PDZRN4: variants seen among roughly 807,000 people sequenced by gnomAD.
PDZRN4 encodes PDZ domain containing ring finger 4.
In PDZRN4, 70 loss-of-function variants were observed where a neutral mutation model predicts 99.0. That is an observed-to-expected ratio of 0.71 (90% confidence interval 0.58 to 0.86). The LOEUF is 0.86. Among genes scored for constraint, PDZRN4 ranks in the 40% least tolerant of loss-of-function variants. The pLI, the probability that PDZRN4 is intolerant of heterozygous loss-of-function variation, is 0.00. For missense variants in PDZRN4, 1,474 were observed against 1,331.2 expected (o/e 1.11, Z -1.67); for synonymous variants, 551 against 501.6 (o/e 1.10, Z -1.32).
chr12:41,535,371 A>G (rs1416650316), intron 5 of PDZRN4, among the ~76,000 whole-genome samples: 1 of 152,214 alleles, frequency 6.6e-6, no homozygotes, highest in Admixed American at 6.5e-5. Context: ...TTACCCTCTT[A>G]GGAGTTTTTT....
At chr12:41,354,540 T>G (rs1280125339) in intron 3 of PDZRN4, among the ~76,000 whole-genome samples, 2 of 151,648 alleles carry the variant, frequency 1.3e-5, no homozygotes, top group African/African-American at 2.4e-5. Flanking sequence ...TATGGGCTGA[T>G]AGAAAGAAAT....
At chr12:41,288,859 T>C (rs1486505300) in intron 3 of PDZRN4, among the ~76,000 whole-genome samples, 2 of 152,166 alleles carry the variant, frequency 1.3e-5, no homozygotes, top group Non-Finnish European at 2.9e-5. Flanking sequence ...GCCTTCTGTA[T>C]GTATTAATTT....
chr12:41,418,924 T>G (rs1952468788), intron 3 of PDZRN4, among the ~76,000 whole-genome samples: 4 of 152,178 alleles, frequency 2.6e-5, no homozygotes, highest in African/African-American at 7.2e-5. Context: ...GTGACAAATC[T>G]CCCCTTGCAA....
intron 3 of PDZRN4, among the ~76,000 whole-genome samples, chr12:41,480,362 C>T (rs1272311550): frequency 6.6e-6 from 1 of 152,112 alleles, no homozygotes. Flanking sequence ...TGTATTCCCA[C>T]CTCTTTGTTC....
intron 3 of PDZRN4, among the ~76,000 whole-genome samples, chr12:41,202,930 AT>A (rs1950826883): frequency 6.6e-6 from 1 of 152,064 alleles, no homozygotes; most frequent in Admixed American, 6.6e-5. Context: ...AAATTAGGTG[AT>A]TTGATGTTTT....
At chr12:41,366,019 G>A (rs984000102) in intron 3 of PDZRN4, among the ~76,000 whole-genome samples, 3 of 152,088 alleles carry the variant, frequency 2.0e-5, no homozygotes, top group African/African-American at 7.2e-5. Context: ...ATGGAAGGAG[G>A]CCAAGATAAA....
chr12:41,257,358 A>G (rs957121909), intron 3 of PDZRN4, among the ~76,000 whole-genome samples: 1 of 152,194 alleles, frequency 6.6e-6, no homozygotes, highest in African/African-American at 2.4e-5. Flanking sequence ...CTCTTTCATA[A>G]GGGCACTAAT....
At chr12:41,433,519 G>A (rs1052997914) in intron 3 of PDZRN4, among the ~76,000 whole-genome samples, 20 of 152,178 alleles carry the variant, frequency 1.3e-4, no homozygotes, top group African/African-American at 4.3e-4. Flanking sequence ...ATGCAGAACT[G>A]GGACTAGAAA....
At chr12:41,207,909 A>T (rs986985009) in intron 3 of PDZRN4, among the ~76,000 whole-genome samples, 4 of 151,602 alleles carry the variant, frequency 2.6e-5, no homozygotes, top group Non-Finnish European at 5.9e-5. Flanking sequence ...TAAGCCAGGC[A>T]GTGAATTCAA....
At chr12:41,498,489 C>G (rs1366359179) in intron 3 of PDZRN4, among the ~76,000 whole-genome samples, 1 of 152,078 alleles carries the variant, frequency 6.6e-6, no homozygotes, top group Non-Finnish European at 1.5e-5. Flanking sequence ...GTGGAAGGCA[C>G]CACATGGCAA....
At chr12:41,434,745 T>C (rs1952614484) in intron 3 of PDZRN4, among the ~76,000 whole-genome samples, 2 of 152,324 alleles carry the variant, frequency 1.3e-5, no homozygotes, top group South Asian at 4.1e-4. Flanking sequence ...ACACGACTTA[T>C]GTTTTTACAT....
chr12:41,488,799 A>C (rs1266554318), intron 3 of PDZRN4, among the ~76,000 whole-genome samples: 1 of 152,240 alleles, frequency 6.6e-6, no homozygotes, highest in East Asian at 1.9e-4. Flanking sequence ...AACAGAGGTG[A>C]AGCTCTATCC....
chr12:41,529,667 G>A (rs887511272), intron 5 of PDZRN4, among the ~76,000 whole-genome samples: 1 of 152,104 alleles, frequency 6.6e-6, no homozygotes, highest in African/African-American at 2.4e-5. Flanking sequence ...CCAACCTTAG[G>A]CAGTTATAAA....
intron 3 of PDZRN4, among the ~76,000 whole-genome samples, chr12:41,212,237 A>G (rs1311404767): frequency 2.6e-5 from 4 of 152,052 alleles, no homozygotes; most frequent in Admixed American, 2.6e-4. Context: ...TATTGTTGTT[A>G]TATATAGACA....
At chr12:41,214,156 C>T (rs373839987) in intron 3 of PDZRN4, among the ~76,000 whole-genome samples, 4 of 149,520 alleles carry the variant, frequency 2.7e-5, no homozygotes, top group South Asian at 2.1e-4. Context: ...TATTGGCTTA[C>T]GCCTCTAATC....
chr12:41,489,070 A>G (rs1728889311), intron 3 of PDZRN4, among the ~76,000 whole-genome samples: 1 of 152,156 alleles, frequency 6.6e-6, no homozygotes, highest in Non-Finnish European at 1.5e-5. Context: ...AAACTTTCTT[A>G]AATTATGAGG....
intron 3 of PDZRN4, among the ~76,000 whole-genome samples, chr12:41,274,050 A>C (rs1029963145): frequency 6.6e-6 from 1 of 152,130 alleles, no homozygotes; most frequent in African/African-American, 2.4e-5. Context: ...CATTTAAGTT[A>C]AGTTCATATA....
In PDZRN4 at chr12:41,211,501, GC is replaced by G. The variant is rs148724412; in HGVS notation, c.843+17314del. On this transcript the variant is annotated intron_variant, in intron 3 of 9. Transcript: ENST00000402685. Reference sequence around the variant, plus strand: ...TAGTAATTCCTACACTGTTGAAGAAGCTTTTCTCTGAGGTGCTCATGTATTA... The same window carrying G: ...TAGTAATTCCTACACTGTTGAAGAAGTTTTCTCTGAGGTGCTCATGTATTA... Among the ~76,000 whole-genome samples, 1,013 of 151,922 alleles carry G rather than the reference GC, an allele frequency of 6.7e-3. 9 individuals are homozygous for G. Among genetic ancestry groups the G allele is most frequent in the Non-Finnish European group, 8.5e-3 (577 of 67,888 alleles).
At chr12:41,364,210 T>C (rs1240111026) in intron 3 of PDZRN4, among the ~76,000 whole-genome samples, 1 of 152,110 alleles carries the variant, frequency 6.6e-6, no homozygotes, top group African/African-American at 2.4e-5. Flanking sequence ...CATTATTTTT[T>C]CTGGGATAAT....
Sources: allele counts gnomAD v4.1 joint callset (sites outside exome capture counted in the v4.1 genomes callset), GRCh38; gene constraint gnomAD v4.1.1; transcripts MANE v1.5; gene names NCBI Gene and HGNC (gene_info 2026-07-23, HGNC 2026-07-21).